The following BBX variants were observed in gnomAD, a reference collection of about 807,000 sequenced individuals.
The protein encoded by BBX is HMG box transcription factor BBX.
A neutral mutation model predicts 100.2 loss-of-function variants in BBX; 30 were observed. That is an observed-to-expected ratio of 0.30 (90% CI 0.22 to 0.41). The LOEUF (loss-of-function observed/expected upper bound fraction) is 0.41, where lower values mean the gene tolerates loss of function less well. Ranked by LOEUF, BBX falls within the 10% of genes least tolerant of loss-of-function variation. BBX has a pLI of 1.00. For synonymous variants in BBX, 376 were observed against 388.1 expected, an observed-to-expected ratio of 0.97 and a Z score of 0.37; for missense variants, 1,023 against 1,129.8, an observed-to-expected ratio of 0.91 and a Z score of 1.35.
intron 3 of BBX, among the ~76,000 whole-genome samples, chr3:107,668,431 C>T (rs1244386948): frequency 6.6e-6 from 1 of 152,146 alleles, no homozygotes; most frequent in Admixed American, 6.5e-5. Flanking sequence ...CTACACAGCA[C>T]GTATAGATGT....
intron 13 of BBX, among the ~76,000 whole-genome samples, chr3:107,780,034 G>A (rs143340044): frequency 1.1e-4 from 16 of 152,188 alleles, no homozygotes; most frequent in Admixed American, 2.0e-4. Flanking sequence ...AAATAGGGTC[G>A]TATCAAGATC....
At chr3:107,598,196 T>G (rs2107611346) in intron 2 of BBX, among the ~76,000 whole-genome samples, 2 of 152,184 alleles carry the variant, frequency 1.3e-5, no homozygotes, top group East Asian at 3.9e-4. Context: ...TTCTAGGGGG[T>G]GTGTGTGTAT....
chr3:107,713,664 C>G (rs1470996980), intron 4 of BBX, among the ~76,000 whole-genome samples: 1 of 152,122 alleles, frequency 6.6e-6, no homozygotes, highest in African/African-American at 2.4e-5. Flanking sequence ...TGTGTCAAAT[C>G]AAATGTTTTT....
At chr3:107,752,489 A>G (rs1350215515) in intron 9 of BBX, among the ~76,000 whole-genome samples, 6 of 152,208 alleles carry the variant, frequency 3.9e-5, no homozygotes, top group Non-Finnish European at 4.4e-5. Flanking sequence ...CTCCCAAGCT[A>G]CAATATTTAC....
intron 7 of BBX, among the ~76,000 whole-genome samples, chr3:107,737,794 C>T (rs968095904): frequency 1.0e-4 from 15 of 148,798 alleles, no homozygotes; most frequent in Non-Finnish European, 1.8e-4. Context: ...ATGTTTACAG[C>T]TTATGCATCA....
At chr3:107,659,758 G>A (rs1230618717) in intron 3 of BBX, 6 of 1,280,458 alleles carry the variant, frequency 4.7e-6, no homozygotes, top group Non-Finnish European at 6.1e-6. Flanking sequence ...TGAATGCACT[G>A]TTTATTTTTA....
chr3:107,584,843 A>G (rs1332020146), intron 2 of BBX, among the ~76,000 whole-genome samples: 1 of 151,504 alleles, frequency 6.6e-6, no homozygotes, highest in African/African-American at 2.4e-5. Flanking sequence ...AGGCATGCGC[A>G]ACCACACCCA....
At position 107,806,166 on chromosome 3, in the gene BBX, A is replaced by T. The variant is rs2071059162; in HGVS notation, c.*709A>T. The T allele has an allele frequency of 6.6e-6, 1 of 151,766 alleles. No individual in the cohort carries two copies. Among genetic ancestry groups the T allele is most frequent in the Non-Finnish European group, 1.5e-5 (1 of 67,972 alleles). The allele number at this position is 151,766 out of a possible 1,614,324, so 9.4% of individuals were successfully genotyped here. On this transcript the variant is annotated 3_prime_UTR_variant, in exon 18 of 18. Coordinates refer to ENST00000325805, the MANE Select transcript of BBX (RefSeq NM_001142568.3). ...AAAAAATTACAACTCTTACAATCTGAATTTTTTTCTTAGCCTTGAGTGACC... is the reference window on the plus strand; with the variant it reads ...AAAAAATTACAACTCTTACAATCTGTATTTTTTTCTTAGCCTTGAGTGACC...
In BBX at chr3:107,582,443, T is replaced by C. The variant is rs557671369; in HGVS notation, c.-84+56045T>C. Among the ~76,000 whole-genome samples, 4 of 152,228 alleles carry C rather than the reference T, an allele frequency of 2.6e-5. No homozygotes were observed. In the East Asian group the frequency reaches 7.7e-4, roughly 29 times the overall value. ...TTATGGTTGAAGGATCGTCCTAGTC[T>C]GTCAGTTGTCATCTTTGAAAACCAA... On this transcript the variant is annotated intron_variant, in intron 2 of 17. Coordinates refer to ENST00000325805, the MANE Select transcript of BBX (RefSeq NM_001142568.3).
At chr3:107,694,905 C>T (rs1456160343) in intron 3 of BBX, among the ~76,000 whole-genome samples, 1 of 151,754 alleles carries the variant, frequency 6.6e-6, no homozygotes, top group Non-Finnish European at 1.5e-5. Flanking sequence ...GATTCAACTT[C>T]TTCCTGGTTT....
At chr3:107,645,278 C>T (rs1383389597) in intron 2 of BBX, among the ~76,000 whole-genome samples, 1 of 152,162 alleles carries the variant, frequency 6.6e-6, no homozygotes, top group Non-Finnish European at 1.5e-5. Context: ...CTTATAATTA[C>T]TTCATCCTTT....
intron 2 of BBX, among the ~76,000 whole-genome samples, chr3:107,556,094 C>T (rs1186038318): frequency 6.6e-6 from 1 of 152,156 alleles, no homozygotes; most frequent in African/African-American, 2.4e-5. Context: ...ACTGTCAGAT[C>T]AAGTACTGGC....
intron 7 of BBX, among the ~76,000 whole-genome samples, chr3:107,740,438 A>C (rs2063995180): frequency 6.6e-6 from 1 of 151,948 alleles, no homozygotes. Flanking sequence ...TTGGAGTCTC[A>C]CATCTCAAAT....
intron 2 of BBX, among the ~76,000 whole-genome samples, chr3:107,582,771 G>T (rs115077155): frequency 6.6e-6 from 1 of 151,858 alleles, no homozygotes; most frequent in Non-Finnish European, 1.5e-5. Context: ...TTAATGTAAC[G>T]GTTAGATTTA....
At chr3:107,729,181 G>C (rs1279932665) in intron 6 of BBX, among the ~76,000 whole-genome samples, 1 of 152,102 alleles carries the variant, frequency 6.6e-6, no homozygotes, top group Non-Finnish European at 1.5e-5. Context: ...ATAAATATAT[G>C]TGAATTCCTG....
intron 7 of BBX, among the ~76,000 whole-genome samples, chr3:107,742,465 A>G (rs141639034): frequency 6.6e-6 from 1 of 152,224 alleles, no homozygotes; most frequent in East Asian, 1.9e-4. Flanking sequence ...TTTCCACTAT[A>G]CTATACTGAA....
intron 15 of BBX, among the ~76,000 whole-genome samples, chr3:107,795,097 CA>C (rs1242500028): frequency 2.0e-5 from 3 of 152,168 alleles, no homozygotes. Flanking sequence ...TTTGGAGCCA[CA>C]AAGCCTTTCT....
chr3:107,547,007 T>C (rs2049286939), intron 2 of BBX, among the ~76,000 whole-genome samples: 2 of 152,186 alleles, frequency 1.3e-5, no homozygotes, highest in Admixed American at 6.5e-5. Flanking sequence ...TTCAAGATAG[T>C]TTGAAAGATT....
At chr3:107,618,183 T>A (rs2055440815) in intron 2 of BBX, among the ~76,000 whole-genome samples, 1 of 151,992 alleles carries the variant, frequency 6.6e-6, no homozygotes, top group Non-Finnish European at 1.5e-5. Context: ...ATTCCTTGAT[T>A]TTTGAATATG....
Sources: allele counts gnomAD v4.1 joint callset (sites outside exome capture counted in the v4.1 genomes callset), GRCh38; gene constraint gnomAD v4.1.1; transcripts MANE v1.5; gene names NCBI Gene and HGNC (gene_info 2026-07-23, HGNC 2026-07-21).